The following ABCC9 variants were observed in gnomAD, a reference collection of about 807,000 sequenced individuals.
The protein encoded by ABCC9 is ATP-binding cassette sub-family C member 9.
ABCC9 carries 95 observed loss-of-function variants against 188.3 expected under a neutral mutation model. The ratio of observed to expected loss-of-function variants is 0.50; its 90% CI spans 0.43 to 0.60. The LOEUF is 0.60. Among genes scored for constraint, ABCC9 ranks in the 20% least tolerant of loss-of-function variants. ABCC9 has a pLI of 0.00. For missense variants in ABCC9, 1,102 were observed against 1,876.3 expected (o/e 0.59, Z 7.62); for synonymous variants, 659 against 652.7 (o/e 1.01, Z -0.15).
chr12:21,804,574 C>A (rs998807134), intron 39 of ABCC9, among the ~76,000 whole-genome samples: 3 of 152,184 alleles, frequency 2.0e-5, no homozygotes, highest in African/African-American at 7.2e-5. Flanking sequence ...AATTGGGTGA[C>A]TCTCCTCTGG....
chr12:21,842,391 A>G lies in ABCC9; in HGVS notation c.3396T>C (p.Thr1132=), dbSNP rs759338528. ...GCAGGAGAGCAACCAGGAACACAGG[A>G]GTAGCATAAGAAATCATCCCAATGG... ...LSAIGMISYA[T]PVFLVALLPL... Residue 1132 remains threonine (T), a synonymous_variant, in exon 29 of 40, where the codon ACT becomes ACC. Coordinates refer to ENST00000261200, the MANE Select transcript of ABCC9 (RefSeq NM_020297.4). The G allele has an allele frequency of 1.2e-6, 2 of 1,614,170 alleles. No homozygotes were observed. The highest frequency in any genetic ancestry group is 1.7e-6 in the Non-Finnish European group (2 of 1,180,000).
intron 33 of ABCC9, 116 bp downstream of exon 33, chr12:21,817,071 G>C: frequency 1.7e-6 from 2 of 1,155,722 alleles, no homozygotes; most frequent in East Asian, 4.8e-5. Context: ...AGATATGAGA[G>C]AGTTTTCTGG....
chr12:21,807,268 A>G, intron 38 of ABCC9, 78 bp downstream of exon 38: 1 of 1,596,396 alleles, frequency 6.3e-7, no homozygotes, highest in East Asian at 2.2e-5. Context: ...TCAGAACCCA[A>G]TCAGGAAATA....
At chr12:21,900,967 A>C (rs1258791375) in intron 12 of ABCC9, among the ~76,000 whole-genome samples, 1 of 152,094 alleles carries the variant, frequency 6.6e-6, no homozygotes, top group South Asian at 2.1e-4. Flanking sequence ...CACAAAGATA[A>C]TCCTCGAGAA....
rs754953445 is a variant in ABCC9, at chr12:21,908,227, C to A, written c.1321-16G>T. 6.2e-7 allele frequency: 1 copy of A among 1,611,714 alleles called. No individual in the cohort carries two copies. The highest frequency in any genetic ancestry group is 2.2e-5 in the East Asian group (1 of 44,780). ...CCATTATGATCTAGAGAGAAAAACA[C>A]ATGGAAAAGAGAAGATGAATGGGTT... On this transcript the variant is annotated splice_polypyrimidine_tract_variant and intron_variant, in intron 10 of 39. Coordinates refer to ENST00000261200, the MANE Select transcript of ABCC9 (RefSeq NM_020297.4).
chr12:21,807,759 T>G (rs1207055687), intron 37 of ABCC9, among the ~76,000 whole-genome samples: 3 of 152,320 alleles, frequency 2.0e-5, no homozygotes, highest in Non-Finnish European at 4.4e-5. Flanking sequence ...ATTTAATTAT[T>G]TAATACAATT....
intron 16 of ABCC9, among the ~76,000 whole-genome samples, chr12:21,882,324 T>C (rs959453113): frequency 1.3e-5 from 2 of 152,188 alleles, no homozygotes; most frequent in African/African-American, 4.8e-5. Context: ...ATAGCCAAGT[T>C]TGAAATGAGA....
At chr12:21,816,519 G>A (rs982489319) in intron 33 of ABCC9, among the ~76,000 whole-genome samples, 1 of 152,062 alleles carries the variant, frequency 6.6e-6, no homozygotes, top group African/African-American at 2.4e-5. Context: ...GATGGGAGAT[G>A]GGGAAATTTA....
At chr12:21,925,776 C>G (rs1346824502) in intron 5 of ABCC9, among the ~76,000 whole-genome samples, 166 bp downstream of exon 5, 1 of 151,994 alleles carries the variant, frequency 6.6e-6, no homozygotes, top group Non-Finnish European at 1.5e-5. Flanking sequence ...TATCTTCAAC[C>G]CCACATTTAC....
intron 25 of ABCC9, among the ~76,000 whole-genome samples, chr12:21,847,542 C>T (rs1225806098): frequency 6.6e-6 from 1 of 152,070 alleles, no homozygotes; most frequent in East Asian, 1.9e-4. Flanking sequence ...ACTCTATTGA[C>T]TTAAAAGGTG....
intron 31 of ABCC9, among the ~76,000 whole-genome samples, chr12:21,826,194 AG>A (rs1302162328): frequency 6.6e-6 from 1 of 152,098 alleles, no homozygotes; most frequent in East Asian, 1.9e-4. Context: ...TACAACAAAG[AG>A]GGGGTTGTGT....
chr12:21,829,407 T>A (rs957153548), intron 30 of ABCC9, among the ~76,000 whole-genome samples: 8 of 152,024 alleles, frequency 5.3e-5, no homozygotes, highest in Admixed American at 2.6e-4. Context: ...TTCACCGTGT[T>A]AGCCAGGATG....
At chr12:21,881,369 A>T (rs1049052527) in intron 16 of ABCC9, among the ~76,000 whole-genome samples, 2 of 152,228 alleles carry the variant, frequency 1.3e-5, no homozygotes, top group Non-Finnish European at 2.9e-5. Flanking sequence ...TGCGGAGGCC[A>T]TTCAGAAGCA....
chr12:21,936,366 C>G (rs1949487221), intron 3 of ABCC9, among the ~76,000 whole-genome samples, 167 bp downstream of exon 3: 1 of 152,144 alleles, frequency 6.6e-6, no homozygotes, highest in South Asian at 2.1e-4. Context: ...TACGGAAGAT[C>G]ACCTGTCAAA....
chr12:21,888,266 C>G lies in ABCC9; in HGVS notation c.1803-332G>C, dbSNP rs553879700. 1.1e-4 allele frequency among the ~76,000 whole-genome samples: 17 copies of G among 152,166 alleles called. No individual in the cohort carries two copies. In the South Asian group the frequency reaches 3.3e-3, roughly 30 times the overall value. Reference sequence around the variant, plus strand: ...CAAAAATAGTGAAGTTGTTTAGGAACTTGGAACAGGGTGGTTAAAAATAAC... The same window carrying G: ...CAAAAATAGTGAAGTTGTTTAGGAAGTTGGAACAGGGTGGTTAAAAATAAC... On this transcript the variant is annotated intron_variant, in intron 14 of 39. Coordinates refer to ENST00000261200, the MANE Select transcript of ABCC9 (RefSeq NM_020297.4).
intron 14 of ABCC9, among the ~76,000 whole-genome samples, chr12:21,888,754 G>A (rs542976327): frequency 6.6e-6 from 1 of 152,220 alleles, no homozygotes; most frequent in East Asian, 1.9e-4. Context: ...TCAAACCAGT[G>A]TCATAGGATC....
intron 39 of ABCC9, among the ~76,000 whole-genome samples, chr12:21,801,629 A>G (rs889323981): frequency 2.6e-5 from 4 of 152,214 alleles, no homozygotes; most frequent in Non-Finnish European, 5.9e-5. Flanking sequence ...CGGGATGACA[A>G]TATGGGGAAG....
intron 14 of ABCC9, among the ~76,000 whole-genome samples, chr12:21,889,291 AAGTCTG>A (rs1283886783): frequency 6.6e-6 from 1 of 152,172 alleles, no homozygotes; most frequent in African/African-American, 2.4e-5. Flanking sequence ...TTTGATAGCA[AAGTCTG>A]ACCACATAGA....
At chr12:21,893,496 C>G (rs1286620763) in intron 14 of ABCC9, among the ~76,000 whole-genome samples, 1 of 152,114 alleles carries the variant, frequency 6.6e-6, no homozygotes, top group African/African-American at 2.4e-5. Flanking sequence ...TGTGTGCCCT[C>G]TTTGACCTAC....
Sources: allele counts gnomAD v4.1 joint callset (sites outside exome capture counted in the v4.1 genomes callset), GRCh38; gene constraint gnomAD v4.1.1; transcripts MANE v1.5; gene names NCBI Gene and HGNC (gene_info 2026-07-23, HGNC 2026-07-21).